The following PRPF4 variants were observed in gnomAD, a reference collection of about 807,000 sequenced individuals.
PRPF4 encodes pre-mRNA splicing tri-snRNP complex factor PRPF4.
A neutral mutation model predicts 72.2 loss-of-function variants in PRPF4; 14 were observed. The observed-to-expected ratio is 0.19, with a 90% CI of 0.13 to 0.30. The LOEUF (loss-of-function observed/expected upper bound fraction) is 0.30. PRPF4 is among the 10% of genes least tolerant of loss of function. The probability of loss-of-function intolerance (pLI) is 1.00; values close to 1 mark genes in which losing one functional copy is unlikely to be tolerated. For synonymous variants in PRPF4, 225 were observed against 232.2 expected (o/e 0.97, Z 0.28); for missense variants, 478 against 653.9 (o/e 0.73, Z 2.93).
intron 3 of PRPF4, among the ~76,000 whole-genome samples, chr9:113,281,029 C>T (rs767767532): frequency 1.1e-4 from 16 of 152,050 alleles, no homozygotes; most frequent in Non-Finnish European, 2.4e-4. Flanking sequence ...TTAGTAGAGA[C>T]GGGGTTTCAA....
At chr9:113,285,270 C>A (rs1037112845) in intron 7 of PRPF4, among the ~76,000 whole-genome samples, 2 of 147,904 alleles carry the variant, frequency 1.4e-5, no homozygotes, top group Non-Finnish European at 1.5e-5. Flanking sequence ...TGGAAGGCCA[C>A]GGCAGGAGGA....
intron 2 of PRPF4, 44 bp from the exon 3 acceptor site, chr9:113,278,899 CTA>C (rs1832191145): frequency 1.9e-6 from 3 of 1,575,982 alleles, no homozygotes; most frequent in Non-Finnish European, 2.6e-6. Flanking sequence ...TTATTTCTCT[CTA>C]TTTGAAGAAG....
At chr9:113,281,743 A>G (rs1832289443) in intron 3 of PRPF4, among the ~76,000 whole-genome samples, 1 of 151,848 alleles carries the variant, frequency 6.6e-6, no homozygotes, top group Admixed American at 6.6e-5. Flanking sequence ...GACCCCCTTG[A>G]CCTGATTAAC....
At chr9:113,276,469 G>A in intron 1 of PRPF4, 79 bp from the exon 2 acceptor site, 4 of 1,470,378 alleles carry the variant, frequency 2.7e-6, no homozygotes, top group South Asian at 2.3e-5. Flanking sequence ...TGAAACTCAG[G>A]GTGAGCTTCA....
At position 113,276,639 on chromosome 9, in the gene PRPF4, A is replaced by G. The variant is rs759807240; in HGVS notation, c.119A>G (p.Glu40Gly). ...GGAAGTTTGGAAGAGAAGGAGAGGG[A>G]GCGTCTGGCCAAAGGAGAGTCTGGG... is the stretch of plus-strand genomic sequence containing the variant. ...YYGSLEEKERERLAKGESGIL... is the reference protein window; with the variant it reads ...YYGSLEEKERGRLAKGESGIL... The change falls in exon 2 of 14, where the codon GAG (glutamate) becomes GGG (glycine). Residue 40 changes from glutamate (E) to glycine (G), a missense_variant. Glu to Gly is a moderately conservative substitution (Grantham distance 98, BLOSUM62 -2). Transcript: ENST00000374198. 1.6e-5 allele frequency: 26 copies of G among 1,614,138 alleles called. No individual in the cohort carries two copies. The highest frequency in any genetic ancestry group is 1.7e-5 in the Non-Finnish European group (20 of 1,180,020).
At chr9:113,285,658 G>T (rs1250269420) in intron 7 of PRPF4, among the ~76,000 whole-genome samples, 3 of 151,696 alleles carry the variant, frequency 2.0e-5, no homozygotes, top group Admixed American at 6.6e-5. Context: ...GATTACAGGT[G>T]TGAGCCACAG....
In PRPF4 at chr9:113,291,860, G is replaced by T. The variant is rs1396565411; in HGVS notation, c.*200G>T. The stretch of plus-strand genomic sequence containing the variant: ...TAGGTGATGGGGAACCCCTCTCACG[G>T]TTGAAAATTTATTACCTTTTTACGC... On this transcript the variant is annotated 3_prime_UTR_variant, in exon 14 of 14. Transcript: ENST00000374198. 3.6e-6 allele frequency: 2 copies of T among 552,372 alleles called. No homozygotes were observed. Among genetic ancestry groups the T allele is most frequent in the Non-Finnish European group, 6.4e-6 (2 of 314,898 alleles). 34.2% of individuals were successfully genotyped at this position (552,372 alleles called of 1,614,324 possible).
intron 2 of PRPF4, among the ~76,000 whole-genome samples, chr9:113,277,363 T>A (rs1226200179): frequency 8.6e-5 from 13 of 151,660 alleles, no homozygotes; most frequent in Admixed American, 8.5e-4. Flanking sequence ...TTGTAATTAT[T>A]TTTTACCCAA....
intron 6 of PRPF4, 94 bp downstream of exon 6, chr9:113,283,576 A>C (rs533429801): frequency 1.6e-6 from 2 of 1,258,250 alleles, no homozygotes; most frequent in Non-Finnish European, 2.2e-6. Context: ...GGTAGAGGCA[A>C]CTAGAGTGAT....
Position 113,291,970 on chromosome 9 carries a change from T to G in PRPF4, c.*310T>G, listed in dbSNP as rs1262687001. 1 of 178,254 alleles carries G rather than the reference T, an allele frequency of 5.6e-6. No homozygotes were observed. The highest frequency in any genetic ancestry group is 1.2e-5 in the Non-Finnish European group (1 of 84,648). 11.0% of individuals were successfully genotyped at this position (178,254 alleles called of 1,614,324 possible). A position where few individuals can be genotyped will look rare whatever the true frequency, so the allele number is the denominator to read the frequency against. On this transcript the variant is annotated 3_prime_UTR_variant, in exon 14 of 14. Transcript: ENST00000374198. ...GCTCACGCCTGTAATCCTAGCACTTTGGGAGGCCGAGGTGGGTAGATCGCT... is the reference window on the plus strand; with the variant it reads ...GCTCACGCCTGTAATCCTAGCACTTGGGGAGGCCGAGGTGGGTAGATCGCT...
chr9:113,277,069 T>A (rs368950074), intron 2 of PRPF4, among the ~76,000 whole-genome samples: 8 of 152,158 alleles, frequency 5.3e-5, no homozygotes, highest in African/African-American at 1.7e-4. Flanking sequence ...CGCCTCGTCC[T>A]CCTAAAGTGC....
intron 6 of PRPF4, among the ~76,000 whole-genome samples, chr9:113,284,025 G>A (rs1564250430): frequency 7.1e-6 from 1 of 141,002 alleles, no homozygotes; most frequent in Admixed American, 7.6e-5. Context: ...CCAAGATCAC[G>A]CCACTACACT....
At chr9:113,276,485 TG>T in intron 1 of PRPF4, 62 bp from the exon 2 acceptor site, 2 of 1,570,932 alleles carry the variant, frequency 1.3e-6, no homozygotes, top group Non-Finnish European at 1.8e-6. Context: ...CTTCATCCTC[TG>T]GTGAAGTCCG....
chr9:113,290,625 ACT>A (rs776726743), intron 11 of PRPF4, 37 bp downstream of exon 11: 13 of 1,613,834 alleles, frequency 8.1e-6, no homozygotes, highest in Non-Finnish European at 1.1e-5. Flanking sequence ...GCAGTTCAGT[ACT>A]CTCACCTCTT....
At position 113,292,049 on chromosome 9, in the gene PRPF4, A is replaced by C. The variant is rs1353500043; in HGVS notation, c.*389A>C. 1 of 154,458 alleles carries C rather than the reference A, an allele frequency of 6.5e-6. No individual in the cohort carries two copies. The highest frequency in any genetic ancestry group is 2.4e-5 in the African/African-American group (1 of 41,452). The allele number at this position is 154,458 out of a possible 1,614,324, so 9.6% of individuals were successfully genotyped here. A position where few individuals can be genotyped will look rare whatever the true frequency, so the allele number is the denominator to read the frequency against. On this transcript the variant is annotated 3_prime_UTR_variant, in exon 14 of 14. Transcript: ENST00000374198. ...GCAACATGGCAAATGCCGTCTCTGC[A>C]AAAAAATACTAAAATTAGCTGGTCG...
At position 113,291,834 on chromosome 9, in the gene PRPF4, C is replaced by A; in HGVS notation, c.*174C>A. 1 of 634,612 alleles carries A rather than the reference C, an allele frequency of 1.6e-6. No homozygotes were observed. The highest frequency in any genetic ancestry group is 2.6e-6 in the Non-Finnish European group (1 of 380,492). 39.3% of individuals were successfully genotyped at this position (634,612 alleles called of 1,614,324 possible). A position where few individuals can be genotyped will look rare whatever the true frequency, so the allele number is the denominator to read the frequency against. On this transcript the variant is annotated 3_prime_UTR_variant, in exon 14 of 14. Transcript: ENST00000374198. ...CCACTCCAGGAAGGCAGCCCAATCCCTAGGTGATGGGGAACCCCTCTCACG... is the reference window on the plus strand; with the variant it reads ...CCACTCCAGGAAGGCAGCCCAATCCATAGGTGATGGGGAACCCCTCTCACG...
chr9:113,287,918 A>G (rs1358988530), intron 9 of PRPF4, among the ~76,000 whole-genome samples: 1 of 152,222 alleles, frequency 6.6e-6, no homozygotes, highest in Admixed American at 6.5e-5. Flanking sequence ...AAAAAGGTTT[A>G]TCTGTAATCC....
chr9:113,285,655 G>A (rs1340585480), intron 7 of PRPF4, among the ~76,000 whole-genome samples: 1 of 151,648 alleles, frequency 6.6e-6, no homozygotes, highest in African/African-American at 2.4e-5. Context: ...TGGGATTACA[G>A]GTGTGAGCCA....
chr9:113,291,664 A>T lies in PRPF4; in HGVS notation c.*4A>T, dbSNP rs375210850. The stretch of plus-strand genomic sequence containing the variant: ...CAAGCTGTGGATGGCTGAATAGATG[A>T]CAATGGGAAAAGGACTTGAACCTCA... On this transcript the variant is annotated 3_prime_UTR_variant, in exon 14 of 14. Transcript: ENST00000374198. The T allele has an allele frequency of 3.7e-6, 6 of 1,613,508 alleles. No individual in the cohort carries two copies. In the African/African-American group the frequency reaches 6.7e-5, roughly 18 times the overall value.
Sources: gnomAD v4.1 joint callset for allele counts (sites outside exome capture counted in the v4.1 genomes callset) on GRCh38, gnomAD v4.1.1 for gene constraint, MANE v1.5 for transcripts, NCBI Gene and HGNC (gene_info 2026-07-23, HGNC 2026-07-21) for gene names.